Variants in CHD7 observed in about 807,000 individuals in gnomAD.
CHD7 encodes the protein ATP-dependent chromatin remodeler CHD7.
Under a neutral mutation model 307.3 loss-of-function variants are expected in CHD7, and 24 were observed. The ratio of observed to expected loss-of-function variants is 0.08; its 90% confidence interval spans 0.06 to 0.11. CHD7 has a LOEUF of 0.11. CHD7 is among the 10% of genes least tolerant of loss of function. The pLI, the probability that CHD7 is intolerant of heterozygous loss-of-function variation, is 1.00. For synonymous variants in CHD7, 1,363 were observed against 1,349.9 expected (o/e 1.01, Z -0.21); for missense variants, 3,106 against 3,727.1 (o/e 0.83, Z 4.34).
At chr8:60,728,855 G>A (rs921317580) in intron 1 of CHD7, among the ~76,000 whole-genome samples, 1 of 152,110 alleles carries the variant, frequency 6.6e-6, no homozygotes, top group Non-Finnish European at 1.5e-5. Flanking sequence ...TACATGTGAA[G>A]GTTTGTTACA....
intron 15 of CHD7, among the ~76,000 whole-genome samples, chr8:60,833,677 T>TAC (rs975617900): frequency 2.8e-4 from 42 of 152,248 alleles, no homozygotes; most frequent in Non-Finnish European, 2.4e-4. Flanking sequence ...GTCTTTGATA[T>TAC]ACACACTTTC....
intron 2 of CHD7, among the ~76,000 whole-genome samples, chr8:60,755,314 A>G (rs28429090): frequency 3.9e-5 from 6 of 152,178 alleles, no homozygotes; most frequent in African/African-American, 7.2e-5. Context: ...GTTTTTATCC[A>G]TAAAAAACAT....
At position 60,807,618 on chromosome 8, in the gene CHD7, G is replaced by A. The variant is rs1394692148; in HGVS notation, c.2443-599G>A. ...TTTTATTTGGCTGCTATGTGTGTGA[G>A]ACATCTTGTCTGAGAGATTTTAATT... is the stretch of plus-strand genomic sequence containing the variant. On this transcript the variant is annotated intron_variant, in intron 6 of 37. Transcript: ENST00000423902. Among the ~76,000 whole-genome samples, 5 of 152,292 alleles carry A rather than the reference G, an allele frequency of 3.3e-5. No individual in the cohort carries two copies. In the East Asian group the frequency reaches 7.7e-4, roughly 23 times the overall value.
At chr8:60,864,329 A>T (rs530956226) in intron 37 of CHD7, 1 of 152,278 alleles carries the variant, frequency 6.6e-6, no homozygotes. Flanking sequence ...TATGTGCCCC[A>T]GGCTGGTCTC....
At chr8:60,795,186 T>C in intron 4 of CHD7, 59 bp downstream of exon 4, 3 of 1,547,420 alleles carry the variant, frequency 1.9e-6, no homozygotes, top group Middle Eastern at 1.7e-4. Flanking sequence ...ACTTTAGCCA[T>C]GTATGAAGTA....
At chr8:60,749,966 A>G (rs981393127) in intron 2 of CHD7, among the ~76,000 whole-genome samples, 12 of 152,190 alleles carry the variant, frequency 7.9e-5, no homozygotes, top group Non-Finnish European at 1.5e-4. Flanking sequence ...AACATCCAAC[A>G]AGCTGGTTTA....
chr8:60,766,253 G>GA (rs1377652887), intron 2 of CHD7, among the ~76,000 whole-genome samples: 3 of 152,216 alleles, frequency 2.0e-5, no homozygotes, highest in Admixed American at 2.0e-4. Flanking sequence ...GTAGCTTGTT[G>GA]TCTGCTGGTA....
intron 4 of CHD7, among the ~76,000 whole-genome samples, chr8:60,798,807 CAT>C (rs1352095410): frequency 1.3e-5 from 2 of 152,194 alleles, no homozygotes; most frequent in Non-Finnish European, 2.9e-5. Context: ...TAAAACTTTA[CAT>C]GTGTCATTTT....
Position 60,862,760 on chromosome 8 carries a change from A to G in CHD7, c.8076+108A>G, listed in dbSNP as rs1004195626. On this transcript the variant is annotated intron_variant, in intron 37 of 37. Coordinates refer to ENST00000423902, the MANE Select transcript of CHD7 (RefSeq NM_017780.4). Reference sequence around the variant, plus strand: ...TAATTATTCAGTTGTAACTTAGCTTAAAAGAATTGACATAATACATCATTT... The same window carrying G: ...TAATTATTCAGTTGTAACTTAGCTTGAAAGAATTGACATAATACATCATTT... The G allele has an allele frequency of 6.3e-5, 45 of 715,032 alleles. No homozygotes were observed. In the East Asian group the frequency reaches 8.2e-4, roughly 13 times the overall value. The allele number at this position is 715,032 out of a possible 1,614,324, so 44.3% of individuals were successfully genotyped here. A position where few individuals can be genotyped will look rare whatever the true frequency, so the allele number is the denominator to read the frequency against.
At chr8:60,750,294 C>T (rs1169968152) in intron 2 of CHD7, among the ~76,000 whole-genome samples, 2 of 152,074 alleles carry the variant, frequency 1.3e-5, no homozygotes, top group Non-Finnish European at 2.9e-5. Context: ...AAGGCAGTAC[C>T]ACATGAAAGA....
intron 15 of CHD7, among the ~76,000 whole-genome samples, chr8:60,834,129 A>G (rs1804644400): frequency 6.6e-6 from 1 of 152,248 alleles, no homozygotes; most frequent in South Asian, 2.1e-4. Context: ...TAATCTCTGA[A>G]TAAATTTAAA....
At chr8:60,713,405 C>T (rs1205384642) in intron 1 of CHD7, among the ~76,000 whole-genome samples, 4 of 127,166 alleles carry the variant, frequency 3.1e-5, no homozygotes, top group East Asian at 2.9e-4. Context: ...CCACTGCGCC[C>T]GGCCAGAAAT....
intron 1 of CHD7, among the ~76,000 whole-genome samples, chr8:60,685,981 T>C (rs1805868073): frequency 6.6e-6 from 1 of 152,198 alleles, no homozygotes; most frequent in African/African-American, 2.4e-5. Context: ...AATTTTGTTC[T>C]TGTGTGCATA....
intron 1 of CHD7, among the ~76,000 whole-genome samples, chr8:60,739,404 A>T (rs1003891850): frequency 6.6e-6 from 1 of 152,182 alleles, no homozygotes; most frequent in Non-Finnish European, 1.5e-5. Flanking sequence ...TTAGGAGTGT[A>T]TTTAAGAATA....
chr8:60,849,091 G>T lies in CHD7; in HGVS notation c.5341G>T (p.Val1781Phe). The T allele has an allele frequency of 6.2e-7, 1 of 1,613,518 alleles. No homozygotes were observed. The highest frequency in any genetic ancestry group is 8.5e-7 in the Non-Finnish European group (1 of 1,179,672). ...VWIPEPFHAE[V>F]PADWWDKEAD... ...GATCCCTGAACCTTTCCATGCTGAA[G>T]TTCCTGCAGATTGGTGGGATAAGGA... Residue 1781 changes from valine (V) to phenylalanine (F), a missense_variant, in exon 25 of 38, where the codon GTT becomes TTT. Physicochemically the swap from Val to Phe is conservative, Grantham distance 50 (BLOSUM62 -1). Around this residue, in one of 10 missense-constraint regions of CHD7, gnomAD observed 1,030 missense variants for 1,165.4 expected, o/e 0.88. Coordinates refer to ENST00000423902, the MANE Select transcript of CHD7 (RefSeq NM_017780.4).
intron 7 of CHD7, among the ~76,000 whole-genome samples, chr8:60,810,507 C>A (rs959231051): frequency 1.3e-5 from 2 of 152,054 alleles, no homozygotes; most frequent in African/African-American, 2.4e-5. Flanking sequence ...TATATTGATA[C>A]TTCCAGTATT....
At chr8:60,798,726 ATTT>A (rs1812148889) in intron 4 of CHD7, among the ~76,000 whole-genome samples, 1 of 152,102 alleles carries the variant, frequency 6.6e-6, no homozygotes, top group Non-Finnish European at 1.5e-5. Context: ...TTTCCTCAAT[ATTT>A]TTATTTCTTC....
chr8:60,740,198 C>T (rs935540353), intron 1 of CHD7, among the ~76,000 whole-genome samples: 5 of 152,236 alleles, frequency 3.3e-5, no homozygotes, highest in Admixed American at 1.3e-4. Context: ...ACGTAGGGTG[C>T]GAACACAAGT....
Position 60,828,745 on chromosome 8 carries a change from G to T in CHD7, c.3461G>T (p.Ser1154Ile), listed in dbSNP as rs764723539. The T allele has an allele frequency of 5.0e-6, 8 of 1,613,522 alleles. No individual in the cohort carries two copies. In the African/African-American group the frequency reaches 1.1e-4, roughly 22 times the overall value. Residue 1154 changes from serine (S) to isoleucine (I), a missense_variant, in exon 14 of 38, where the codon AGT becomes ATT. Coordinates refer to ENST00000423902, the MANE Select transcript of CHD7 (RefSeq NM_017780.4). ...AGCTTGCTTCATTTCTTGGAACCAA[G>T]TCGCTTCCCTTCAGAAACCACATTT... The part of the protein sequence containing the change: ...LFSLLHFLEP[S>I]RFPSETTFMQ...
Sources: gnomAD v4.1 joint callset for allele counts (sites outside exome capture counted in the v4.1 genomes callset) on GRCh38, gnomAD v4.1.1 for gene constraint, gnomAD v4.1.1 regional missense constraint, MANE v1.5 for transcripts, NCBI Gene and HGNC (gene_info 2026-07-23, HGNC 2026-07-21) for gene names.